The following RASGEF1C variants were observed in gnomAD, a reference collection of about 807,000 sequenced individuals.
RASGEF1C encodes ras-GEF domain-containing family member 1C.
Under a neutral mutation model 58.1 loss-of-function variants are expected in RASGEF1C, and 27 were observed. That is an observed-to-expected ratio of 0.46 (90% CI 0.34 to 0.64). RASGEF1C has a LOEUF of 0.64. RASGEF1C is among the 30% of genes least tolerant of loss of function. The pLI is 0.01. For missense variants in RASGEF1C, 502 were observed against 605.1 expected (o/e 0.83, Z 1.79); for synonymous variants, 243 against 246.3 (o/e 0.99, Z 0.13).
At chr5:180,193,873 G>A (rs1756213044) in intron 1 of RASGEF1C, among the ~76,000 whole-genome samples, 1 of 152,224 alleles carries the variant, frequency 6.6e-6, no homozygotes, top group Admixed American at 6.5e-5. Flanking sequence ...GGAATCCACA[G>A]TGTGTCTCAG....
At chr5:180,106,090 T>C (rs1765870722) in intron 12 of RASGEF1C, among the ~76,000 whole-genome samples, 2 of 152,242 alleles carry the variant, frequency 1.3e-5, no homozygotes, top group Admixed American at 6.5e-5. Flanking sequence ...TTATGAATTA[T>C]TTCTGGAATT....
intron 10 of RASGEF1C, among the ~76,000 whole-genome samples, chr5:180,117,250 CAG>C (rs1402706188): frequency 6.6e-6 from 1 of 152,242 alleles, no homozygotes; most frequent in Non-Finnish European, 1.5e-5. Context: ...CTGGACAGGA[CAG>C]AGCCATCCGT....
intron 1 of RASGEF1C, among the ~76,000 whole-genome samples, chr5:180,182,647 T>C (rs1485735114): frequency 6.6e-6 from 1 of 152,260 alleles, no homozygotes; most frequent in Non-Finnish European, 1.5e-5. Context: ...AGAGCACTGA[T>C]TGGTGCATTT....
chr5:180,188,523 C>A (rs1322813569), intron 1 of RASGEF1C, among the ~76,000 whole-genome samples: 2 of 152,164 alleles, frequency 1.3e-5, no homozygotes, highest in Non-Finnish European at 2.9e-5. Flanking sequence ...AATAAAAACT[C>A]TCAGCCAACT....
At chr5:180,145,213 C>T (rs529251715) in intron 1 of RASGEF1C, among the ~76,000 whole-genome samples, 3 of 152,266 alleles carry the variant, frequency 2.0e-5, no homozygotes, top group East Asian at 1.9e-4. Flanking sequence ...CTCTGCCTCC[C>T]GGGTTCAAGC....
chr5:180,208,032 CAGT>C (rs1429267006), intron 1 of RASGEF1C, among the ~76,000 whole-genome samples: 1 of 152,170 alleles, frequency 6.6e-6, no homozygotes, highest in Non-Finnish European at 1.5e-5. Context: ...AGGCGGCACA[CAGT>C]AGGCGCTCAA....
At chr5:180,171,623 C>A (rs1032807096) in intron 1 of RASGEF1C, among the ~76,000 whole-genome samples, 2 of 152,232 alleles carry the variant, frequency 1.3e-5, no homozygotes, top group Non-Finnish European at 2.9e-5. Flanking sequence ...CACCTGCACA[C>A]TGCAGTGGGC....
chr5:180,115,459 C>G (rs1025523096), intron 10 of RASGEF1C: 1 of 290,288 alleles, frequency 3.4e-6, no homozygotes, highest in East Asian at 9.0e-5. Context: ...TGCGTGCAGG[C>G]CCCCCCAGAC....
Position 180,137,046 on chromosome 5 carries a change from G to A in RASGEF1C, c.301-531C>T, listed in dbSNP as rs1228690041. Among the ~76,000 whole-genome samples the A allele has an allele frequency of 6.6e-6, 1 of 152,212 alleles. No individual in the cohort carries two copies. The highest frequency in any genetic ancestry group is 2.4e-5 in the African/African-American group (1 of 41,454). ...AGCCAGCCCGAGGGAGGCCAGCCCC[G>A]GGAAGCGGCAGCAGAGGGCGGGAGG... is the stretch of plus-strand genomic sequence containing the variant. On this transcript the variant is annotated intron_variant, in intron 3 of 13. Coordinates refer to ENST00000361132, the MANE Select transcript of RASGEF1C (RefSeq NM_175062.4). The surrounding 1 kb of genome is among the most constrained non-coding windows in gnomAD (Gnocchi z 4.1).
At position 180,111,488 on chromosome 5, in the gene RASGEF1C, G is replaced by A. The variant is rs749894332; in HGVS notation, c.1272C>T (p.Tyr424=). 2.5e-6 allele frequency: 4 copies of A among 1,614,208 alleles called. No individual in the cohort carries two copies. In the South Asian group the frequency reaches 3.3e-5, roughly 13 times the overall value. ...PFEQDASITH[Y]LYTAPIFSED... The stretch of plus-strand genomic sequence containing the variant: ...CACTGAAGATGGGGGCGGTGTACAG[G>A]TAGTGGGTGATGCTGGCGTCTTGCT... The change falls in exon 12 of 14, where the codon TAC becomes TAT. Residue 424 remains tyrosine (Y), a synonymous_variant. Coordinates refer to ENST00000361132, the MANE Select transcript of RASGEF1C (RefSeq NM_175062.4).
In RASGEF1C at chr5:180,174,682, G is replaced by A. The variant is rs1393344612; in HGVS notation, c.-7+34346C>T. Among the ~76,000 whole-genome samples the A allele has an allele frequency of 2.6e-5, 4 of 152,246 alleles. No homozygotes were observed. The South Asian group carries it at 8.3e-4, about 32-fold the overall frequency. ...GTGCATCTGAACCCCCAGCCCAGTG[G>A]CTCCACATGGAATCCTGGGTGCAGG... On this transcript the variant is annotated intron_variant, in intron 1 of 13. Transcript: ENST00000361132.
Position 180,137,840 on chromosome 5 carries a change from G to A in RASGEF1C, c.177+36C>T, listed in dbSNP as rs1206341575. The A allele has an allele frequency of 1.9e-6, 3 of 1,606,126 alleles. No homozygotes were observed. The highest frequency in any genetic ancestry group is 1.3e-5 in the African/African-American group (1 of 74,844). On this transcript the variant is annotated intron_variant, in intron 2 of 13. Transcript: ENST00000361132. The surrounding 1 kb of genome is among the most constrained non-coding windows in gnomAD (Gnocchi z 4.1). ...GATGCCCCCCGTGCGTGGTGGAGGA[G>A]AGCCCACTCTCCTGCCCGCTGGGTG...
chr5:180,202,860 G>A (rs746555757), intron 1 of RASGEF1C, among the ~76,000 whole-genome samples: 7 of 152,076 alleles, frequency 4.6e-5, no homozygotes, highest in Admixed American at 1.3e-4. Flanking sequence ...CCGCCACCAC[G>A]CCGGGCTAAT....
chr5:180,115,440 G>A, intron 10 of RASGEF1C: 1 of 326,988 alleles, frequency 3.1e-6, no homozygotes. Flanking sequence ...CCTGTGAAGG[G>A]CTGCGGGCTG....
chr5:180,130,559 C>T (rs915114712), intron 4 of RASGEF1C, among the ~76,000 whole-genome samples: 1 of 152,224 alleles, frequency 6.6e-6, no homozygotes, highest in Non-Finnish European at 1.5e-5. Context: ...AATCACTTCA[C>T]CTGGCTGCCA....
intron 6 of RASGEF1C, among the ~76,000 whole-genome samples, chr5:180,126,279 C>T (rs1383679402): frequency 6.6e-6 from 1 of 151,822 alleles, no homozygotes; most frequent in African/African-American, 2.4e-5. Context: ...TTGTGGTGGG[C>T]GCCTGTAGTC....
At chr5:180,122,088 AATT>A (rs148923057) in intron 6 of RASGEF1C, among the ~76,000 whole-genome samples, 38,801 of 152,024 alleles carry the variant, frequency 0.26, 6,134 homozygotes, top group East Asian at 0.46. Context: ...AGTAATCAAT[AATT>A]TATATTAAAT....
intron 1 of RASGEF1C, among the ~76,000 whole-genome samples, chr5:180,174,009 T>C (rs77844628): frequency 0.016 from 2,426 of 151,058 alleles, 78 homozygotes; most frequent in African/African-American, 0.057. Context: ...GACGTGGGGA[T>C]GGTCTCAGAA....
At chr5:180,132,465 C>T (rs999986705) in intron 4 of RASGEF1C, among the ~76,000 whole-genome samples, 3 of 152,238 alleles carry the variant, frequency 2.0e-5, no homozygotes, top group Non-Finnish European at 4.4e-5. Context: ...TTCTAGGAGA[C>T]TCCCTCCTGA....
Sources: allele counts gnomAD v4.1 joint callset (sites outside exome capture counted in the v4.1 genomes callset), GRCh38; gene constraint gnomAD v4.1.1; non-coding constraint Gnocchi (gnomAD v3.1); transcripts MANE v1.5; gene names NCBI Gene and HGNC (gene_info 2026-07-23, HGNC 2026-07-21).